The following ABCA12 variants were observed in gnomAD, a reference collection of about 807,000 sequenced individuals.
ABCA12 encodes the protein glucosylceramide transporter ABCA12.
In ABCA12, 156 loss-of-function variants were observed where a neutral mutation model predicts 293.5. The observed-to-expected ratio is 0.53, with a 90% CI of 0.47 to 0.61. The LOEUF is 0.61. ABCA12 is among the 20% of genes least tolerant of loss of function. The pLI is 0.00. For missense variants in ABCA12, 2,797 were observed against 3,090.2 expected (o/e 0.91, Z 2.25); for synonymous variants, 1,063 against 1,108.0 (o/e 0.96, Z 0.81).
intron 1 of ABCA12, among the ~76,000 whole-genome samples, chr2:215,127,837 A>G (rs770620017): frequency 4.6e-5 from 7 of 151,928 alleles, no homozygotes; most frequent in Non-Finnish European, 8.8e-5. Flanking sequence ...TGTGCTTTTA[A>G]TTTCCTGTGT....
intron 1 of ABCA12, among the ~76,000 whole-genome samples, chr2:215,116,899 CTG>C (rs1179607827): frequency 2.0e-5 from 3 of 152,142 alleles, no homozygotes; most frequent in African/African-American, 7.2e-5. Context: ...AATTGAGAAA[CTG>C]TTACACATTA....
At chr2:215,122,077 A>G (rs1366321731) in intron 1 of ABCA12, among the ~76,000 whole-genome samples, 1 of 152,234 alleles carries the variant, frequency 6.6e-6, no homozygotes, top group Admixed American at 6.5e-5. Context: ...TATAGATTTG[A>G]AATTTAAAGA....
intron 2 of ABCA12, 29 bp downstream of exon 2, chr2:215,111,568 A>C: frequency 6.5e-7 from 1 of 1,546,426 alleles, no homozygotes; most frequent in South Asian, 1.1e-5. Context: ...TCCAAAAATT[A>C]AGGAAATAAA....
At chr2:215,131,087 A>G (rs1347639859) in intron 1 of ABCA12, among the ~76,000 whole-genome samples, 1 of 151,228 alleles carries the variant, frequency 6.6e-6, no homozygotes, top group Non-Finnish European at 1.5e-5. Context: ...TGCTTCCCTG[A>G]TCATGGTGAA....
intron 1 of ABCA12, among the ~76,000 whole-genome samples, chr2:215,134,438 A>G (rs1402481560): frequency 1.4e-5 from 2 of 145,278 alleles, no homozygotes; most frequent in Middle Eastern, 3.7e-3. Flanking sequence ...ATATGTGTAT[A>G]TATACGTATA....
intron 7 of ABCA12, among the ~76,000 whole-genome samples, chr2:215,039,701 G>A (rs929925489): frequency 1.3e-5 from 2 of 151,872 alleles, no homozygotes; most frequent in Non-Finnish European, 1.5e-5. Context: ...CTTGCAGTGA[G>A]CCCAGATCCC....
intron 42 of ABCA12, among the ~76,000 whole-genome samples, chr2:214,956,385 T>C (rs1698948874): frequency 6.6e-6 from 1 of 152,216 alleles, no homozygotes. Flanking sequence ...TTCATTTTTA[T>C]GTAAATGAGA....
At position 215,138,254 on chromosome 2, in the gene ABCA12, C is replaced by A. The variant is rs1460391841; in HGVS notation, c.-46G>T. The A allele has an allele frequency of 4.4e-6, 7 of 1,597,040 alleles. No homozygotes were observed. Among genetic ancestry groups the A allele is most frequent in the Non-Finnish European group, 5.2e-6 (6 of 1,164,578 alleles). ...GAGATTTCCTCTTCTTTTCTCCACT[C>A]CACAAATGAAGAACTGATGCCCCGT... On this transcript the variant is annotated 5_prime_UTR_variant, in exon 1 of 53. Transcript: ENST00000272895.
At chr2:215,009,261 A>G (rs1248148386) in intron 18 of ABCA12, among the ~76,000 whole-genome samples, 3 of 152,168 alleles carry the variant, frequency 2.0e-5, no homozygotes, top group Non-Finnish European at 4.4e-5. Flanking sequence ...ACTTATAAGC[A>G]GGAGTTAAAT....
At chr2:215,115,828 T>C (rs1702674722) in intron 1 of ABCA12, among the ~76,000 whole-genome samples, 1 of 152,010 alleles carries the variant, frequency 6.6e-6, no homozygotes, top group Admixed American at 6.6e-5. Context: ...AGCTACCCAG[T>C]GAGGGAAGTG....
chr2:215,103,295 G>A (rs1263045539), intron 2 of ABCA12, among the ~76,000 whole-genome samples: 4 of 120,060 alleles, frequency 3.3e-5, no homozygotes, highest in Admixed American at 1.0e-4. Context: ...TTGAGACAGA[G>A]TTTCACTCTT....
chr2:214,954,186 A>G, intron 43 of ABCA12, 79 bp from the exon 44 acceptor site: 1 of 1,473,410 alleles, frequency 6.8e-7, no homozygotes, highest in Non-Finnish European at 9.3e-7. Context: ...AGATGGATGT[A>G]GACAAATAGT....
chr2:215,105,039 C>T (rs1457355261), intron 2 of ABCA12, among the ~76,000 whole-genome samples: 1 of 152,164 alleles, frequency 6.6e-6, no homozygotes, highest in East Asian at 1.9e-4. Context: ...GTAATCCAGT[C>T]ACCCATATAA....
chr2:215,002,728 C>A (rs542035203), intron 20 of ABCA12, among the ~76,000 whole-genome samples: 5 of 152,206 alleles, frequency 3.3e-5, no homozygotes, highest in East Asian at 1.9e-4. Context: ...GAAATCAACA[C>A]AACACCAAGG....
At chr2:215,065,055 G>T (rs992308882) in intron 2 of ABCA12, among the ~76,000 whole-genome samples, 1 of 151,792 alleles carries the variant, frequency 6.6e-6, no homozygotes, top group African/African-American at 2.4e-5. Flanking sequence ...ATACAAAACA[G>T]TAATTTTCAT....
chr2:215,001,082 T>A (rs548136508), intron 21 of ABCA12, 62 bp from the exon 22 acceptor site: 1 of 1,536,010 alleles, frequency 6.5e-7, no homozygotes, highest in African/African-American at 1.4e-5. Flanking sequence ...ATTCATTGTT[T>A]GGAGAGTACA....
At chr2:214,999,910 T>G in intron 22 of ABCA12, 2 of 757,664 alleles carry the variant, frequency 2.6e-6, no homozygotes, top group Non-Finnish European at 3.2e-6. Context: ...AAAAATCCAA[T>G]ACCATCTGAA....
intron 3 of ABCA12, among the ~76,000 whole-genome samples, chr2:215,059,810 G>A (rs937561525): frequency 2.0e-5 from 3 of 151,996 alleles, no homozygotes; most frequent in South Asian, 2.1e-4. Flanking sequence ...GCAAGGAAAT[G>A]TGTAATCTCT....
At chr2:215,016,582 C>CAAA (rs71041981) in intron 14 of ABCA12, among the ~76,000 whole-genome samples, 654 of 29,918 alleles carry the variant, frequency 0.022, 132 homozygotes, top group African/African-American at 0.047. Context: ...GACTCTGTCT[C>CAAA]AAAAAAAAAA....
Sources: allele counts gnomAD v4.1 joint callset (sites outside exome capture counted in the v4.1 genomes callset), GRCh38; gene constraint gnomAD v4.1.1; transcripts MANE v1.5; gene names NCBI Gene and HGNC (gene_info 2026-07-23, HGNC 2026-07-21).